The following CAMKMT variants were observed in gnomAD, a reference collection of about 807,000 sequenced individuals.
CAMKMT encodes calmodulin-lysine N-methyltransferase.
In CAMKMT, 53 loss-of-function variants were observed where a neutral mutation model predicts 48.0. That is an observed-to-expected ratio of 1.10 (90% confidence interval 0.89 to 1.39). The LOEUF (loss-of-function observed/expected upper bound fraction) is 1.39. CAMKMT is among the 40% of genes most tolerant of loss of function. The probability of loss-of-function intolerance (pLI) is 0.00; values close to 1 mark genes in which losing one functional copy is unlikely to be tolerated. For missense variants in CAMKMT, 428 were observed against 402.7 expected (o/e 1.06, Z -0.54); for synonymous variants, 165 against 152.3 (o/e 1.08, Z -0.61).
intron 3 of CAMKMT, among the ~76,000 whole-genome samples, chr2:44,656,558 A>G (rs577946364): frequency 2.6e-4 from 40 of 152,300 alleles, no homozygotes; most frequent in African/African-American, 9.4e-4. Context: ...CACATTATAG[A>G]AATACAAATA....
At position 44,504,017 on chromosome 2, in the gene CAMKMT, C is replaced by T. The variant is rs786410; in HGVS notation, c.376+113712C>T. On this transcript the variant is annotated intron_variant, in intron 3 of 10. Coordinates refer to ENST00000378494, the MANE Select transcript of CAMKMT (RefSeq NM_024766.5). ...AGAGAGAGAGAGAGAGAAAACGAAA[C>T]GGGAAGGGGGAGAGAGAGTTGTCTC... is the stretch of plus-strand genomic sequence containing the variant. Among the ~76,000 whole-genome samples the T allele has an allele frequency of 9.4e-5, 14 of 148,646 alleles. No individual in the cohort carries two copies. In the East Asian group the frequency reaches 1.8e-3, roughly 19 times the overall value.
At chr2:44,690,597 TTAAGGATTAAATGTGATCATCCA>T (rs1676590219) in intron 3 of CAMKMT, among the ~76,000 whole-genome samples, 1 of 152,168 alleles carries the variant, frequency 6.6e-6, no homozygotes, top group Non-Finnish European at 1.5e-5. Context: ...AGGGGTTGTT[TTAAGGATTAAATGTGATCATCCA>T]TGTAAAGTAC....
intron 1 of CAMKMT, among the ~76,000 whole-genome samples, chr2:44,363,913 A>G (rs1381578686): frequency 6.7e-6 from 1 of 148,180 alleles, no homozygotes; most frequent in Non-Finnish European, 1.5e-5. Context: ...CTGGTCTCAA[A>G]CTCCTGACCT....
chr2:44,553,636 C>T (rs1052699778), intron 3 of CAMKMT, among the ~76,000 whole-genome samples: 1 of 152,308 alleles, frequency 6.6e-6, no homozygotes, highest in African/African-American at 2.4e-5. Flanking sequence ...GCTAGAATTA[C>T]AGTTGTGAGA....
intron 1 of CAMKMT, among the ~76,000 whole-genome samples, chr2:44,364,731 C>T (rs976200660): frequency 2.0e-5 from 3 of 152,192 alleles, no homozygotes; most frequent in African/African-American, 7.2e-5. Flanking sequence ...GTTGGTGCAT[C>T]TGGGGGCCAC....
chr2:44,444,801 C>T (rs544913898), intron 3 of CAMKMT, among the ~76,000 whole-genome samples: 1 of 152,244 alleles, frequency 6.6e-6, no homozygotes, highest in East Asian at 1.9e-4. Context: ...GCACCATGTA[C>T]CCAAATCTTA....
intron 3 of CAMKMT, among the ~76,000 whole-genome samples, chr2:44,593,825 G>A (rs574699902): frequency 3.3e-4 from 46 of 137,704 alleles, no homozygotes; most frequent in Middle Eastern, 9.6e-3. Flanking sequence ...GTGCAATGGC[G>A]TGATCTCAGC....
At chr2:44,469,553 C>G (rs1005435550) in intron 3 of CAMKMT, among the ~76,000 whole-genome samples, 1 of 151,858 alleles carries the variant, frequency 6.6e-6, no homozygotes, top group African/African-American at 2.4e-5. Context: ...TATGTTAAAT[C>G]TTCTTCTTTG....
At chr2:44,701,312 T>C (rs1677246598) in intron 3 of CAMKMT, among the ~76,000 whole-genome samples, 1 of 152,220 alleles carries the variant, frequency 6.6e-6, no homozygotes, top group South Asian at 2.1e-4. Context: ...ACCTGACTAT[T>C]TGATTGTAGC....
At position 44,554,790 on chromosome 2, in the gene CAMKMT, C is replaced by T. The variant is rs144492237; in HGVS notation, c.377-149493C>T. Among the ~76,000 whole-genome samples the T allele has an allele frequency of 2.9e-3, 443 of 152,176 alleles. 3 individuals carry two copies. The highest frequency in any genetic ancestry group is 0.028 in the East Asian group (146 of 5,180). ...ATTTGGGAGGCTGAGGTGGGAGAAT[C>T]GCTTGAGCCCAGGAGGTCAAGGCTG... On this transcript the variant is annotated intron_variant, in intron 3 of 10. Coordinates refer to ENST00000378494, the MANE Select transcript of CAMKMT (RefSeq NM_024766.5).
rs555521172 is a variant in CAMKMT, at chr2:44,508,805, G to T, written c.376+118500G>T. On this transcript the variant is annotated intron_variant, in intron 3 of 10. Transcript: ENST00000378494. The stretch of plus-strand genomic sequence containing the variant: ...TGATGTAACTTGTATGTCTTAAATT[G>T]TATGTCTCAGCTGGGTGTGGTGGCT... Among the ~76,000 whole-genome samples, 5 of 152,104 alleles carry T rather than the reference G, an allele frequency of 3.3e-5. No homozygotes were observed. The South Asian group carries it at 6.2e-4, about 19-fold the overall frequency.
intron 9 of CAMKMT, among the ~76,000 whole-genome samples, chr2:44,762,314 C>T (rs1339127563): frequency 6.6e-6 from 1 of 152,176 alleles, no homozygotes; most frequent in Admixed American, 6.5e-5. Context: ...ATAACAAGAC[C>T]TCGTCTTTAT....
intron 3 of CAMKMT, among the ~76,000 whole-genome samples, chr2:44,490,946 T>A (rs1272062266): frequency 1.3e-5 from 2 of 152,126 alleles, no homozygotes; most frequent in Non-Finnish European, 2.9e-5. Flanking sequence ...GCTCAAGAAT[T>A]TGACACCAGC....
intron 3 of CAMKMT, among the ~76,000 whole-genome samples, chr2:44,476,155 G>C (rs1357744779): frequency 6.6e-6 from 1 of 152,064 alleles, no homozygotes; most frequent in Admixed American, 6.5e-5. Context: ...CGGTGCTTGA[G>C]TTGATACTGC....
chr2:44,680,850 G>T (rs1461163824), intron 3 of CAMKMT, among the ~76,000 whole-genome samples: 1 of 152,138 alleles, frequency 6.6e-6, no homozygotes, highest in Non-Finnish European at 1.5e-5. Flanking sequence ...GAAAGAGAGA[G>T]GAGGGTAAAA....
At chr2:44,642,683 C>G (rs1467529540) in intron 3 of CAMKMT, among the ~76,000 whole-genome samples, 2 of 151,954 alleles carry the variant, frequency 1.3e-5, no homozygotes, top group Non-Finnish European at 2.9e-5. Context: ...GTTGGCAAGC[C>G]TGGTGAACAT....
chr2:44,422,700 T>C (rs1485036039), intron 3 of CAMKMT, among the ~76,000 whole-genome samples: 2 of 152,164 alleles, frequency 1.3e-5, no homozygotes, highest in Non-Finnish European at 2.9e-5. Context: ...AAATTTCTTT[T>C]TTTTTTTTTA....
At chr2:44,728,425 T>C (rs1678904642) in intron 7 of CAMKMT, among the ~76,000 whole-genome samples, 1 of 152,246 alleles carries the variant, frequency 6.6e-6, no homozygotes, top group Non-Finnish European at 1.5e-5. Context: ...AGGCTGATGC[T>C]GGCTTCATAG....
At chr2:44,646,686 C>G (rs1471942134) in intron 3 of CAMKMT, among the ~76,000 whole-genome samples, 2 of 152,118 alleles carry the variant, frequency 1.3e-5, no homozygotes, top group African/African-American at 4.8e-5. Flanking sequence ...CCATGAATCT[C>G]AATAATCTTA....
Sources: gnomAD v4.1 joint callset for allele counts (sites outside exome capture counted in the v4.1 genomes callset) on GRCh38, gnomAD v4.1.1 for gene constraint, MANE v1.5 for transcripts, NCBI Gene and HGNC (gene_info 2026-07-23, HGNC 2026-07-21) for gene names.